TNIK: variants seen among roughly 807,000 people sequenced by gnomAD.
TNIK encodes TRAF2 and NCK-interacting protein kinase.
TNIK carries 49 observed loss-of-function variants against 191.3 expected under a neutral mutation model. The observed-to-expected ratio is 0.26, with a 90% CI of 0.20 to 0.32. The LOEUF is 0.32. Among genes scored for constraint, TNIK ranks in the 10% least tolerant of loss-of-function variants. TNIK has a pLI of 1.00. For missense variants in TNIK, 1,155 were observed against 1,702.3 expected (o/e 0.68, Z 5.66); for synonymous variants, 594 against 600.9 (o/e 0.99, Z 0.17).
chr3:171,194,788 C>T (rs894469789), intron 4 of TNIK, among the ~76,000 whole-genome samples, 153 bp from the exon 5 acceptor site: 1 of 152,112 alleles, frequency 6.6e-6, no homozygotes, highest in African/African-American at 2.4e-5. Context: ...CAAGCTTTTA[C>T]CTTCATGTAC....
At chr3:171,397,318 C>G (rs1720381831) in intron 1 of TNIK, among the ~76,000 whole-genome samples, 1 of 152,172 alleles carries the variant, frequency 6.6e-6, no homozygotes, top group African/African-American at 2.4e-5. Flanking sequence ...GGTGACGGAC[C>G]AAGGAGTACA....
At chr3:171,172,306 A>C (rs1157614917) in intron 9 of TNIK, among the ~76,000 whole-genome samples, 1 of 152,210 alleles carries the variant, frequency 6.6e-6, no homozygotes, top group Non-Finnish European at 1.5e-5. Flanking sequence ...ACTGAGAACA[A>C]GGCATTTAAC....
chr3:171,138,269 C>G lies in TNIK; in HGVS notation c.1530G>C (p.Gln510His). 1 of 1,613,704 alleles carries G rather than the reference C, an allele frequency of 6.2e-7. No individual in the cohort carries two copies. Among genetic ancestry groups the G allele is most frequent in the Non-Finnish European group, 8.5e-7 (1 of 1,179,830 alleles). ...LVSLQHQRQE[Q>H]RPVEKKPLYH... The stretch of plus-strand genomic sequence containing the variant: ...ACAGTGGCTTCTTCTCCACAGGCCT[C>G]TGCTCCTGCCGCTGATGCTGAAGGG... The change falls in exon 15 of 33, where the codon CAG (glutamine) becomes CAC (histidine). Residue 510 changes from glutamine to histidine, a missense_variant. Transcript: ENST00000436636.
intron 1 of TNIK, among the ~76,000 whole-genome samples, chr3:171,380,808 G>A (rs1430869322): frequency 6.6e-6 from 1 of 152,342 alleles, no homozygotes; most frequent in East Asian, 1.9e-4. Flanking sequence ...CTATGAGTAG[G>A]GAAATATTGG....
Position 171,085,105 on chromosome 3 carries a change from C to T in TNIK, c.2998+13G>A, listed in dbSNP as rs376117897. The T allele has an allele frequency of 2.5e-6, 4 of 1,591,512 alleles. No homozygotes were observed. The highest frequency in any genetic ancestry group is 2.3e-5 in the East Asian group (1 of 44,322). On this transcript the variant is annotated intron_variant, in intron 25 of 32. Transcript: ENST00000436636. ...CGAAGCTGTTTTTTAAACACAGGGCCCTTCTTGCTTACCTGCGGCTGATGA... is the reference window on the plus strand; with the variant it reads ...CGAAGCTGTTTTTTAAACACAGGGCTCTTCTTGCTTACCTGCGGCTGATGA...
chr3:171,262,162 C>A (rs1747717815), intron 2 of TNIK, among the ~76,000 whole-genome samples: 1 of 152,094 alleles, frequency 6.6e-6, no homozygotes, highest in South Asian at 2.1e-4. Context: ...TGACCTAGAC[C>A]TAGAGGCTTA....
Position 171,243,764 on chromosome 3 carries a change from A to C in TNIK, c.124-15543T>G, listed in dbSNP as rs1022840740. ...ATTTTTATTTTTCCCTGTTGGTTCCATTTTCAGAGGCTTTCTCCAAATCAA... is the reference window on the plus strand; with the variant it reads ...ATTTTTATTTTTCCCTGTTGGTTCCCTTTTCAGAGGCTTTCTCCAAATCAA... On this transcript the variant is annotated intron_variant, in intron 2 of 32. Transcript: ENST00000436636. 1.2e-4 allele frequency among the ~76,000 whole-genome samples: 19 copies of C among 152,174 alleles called. No homozygotes were observed. In the East Asian group the frequency reaches 3.7e-3, roughly 29 times the overall value.
In TNIK at chr3:171,421,724, A is replaced by ATTTTTT. The variant is rs67895255; in HGVS notation, c.57+38277_57+38282dup. Among the ~76,000 whole-genome samples, 229 of 91,328 alleles carry ATTTTTT rather than the reference A, an allele frequency of 2.5e-3. 9 individuals carry two copies. The highest frequency in any genetic ancestry group is 6.9e-3 in the African/African-American group (138 of 20,100). The allele number at this position is 91,328 out of a possible 152,430, so 59.9% of individuals were successfully genotyped here. On this transcript the variant is annotated intron_variant, in intron 1 of 32. Transcript: ENST00000436636. ...AGCTCTGCTCCTGATTAGTTGTGTA[A>ATTTTTT]TTTTTTTTTTTTTTTTTTTTTTTTT...
intron 28 of TNIK, among the ~76,000 whole-genome samples, chr3:171,078,217 A>C (rs1226401608): frequency 1.3e-5 from 2 of 152,242 alleles, no homozygotes; most frequent in East Asian, 3.9e-4. Flanking sequence ...TGGGATTTCA[A>C]GGCTTTTAAT....
intron 24 of TNIK, among the ~76,000 whole-genome samples, chr3:171,085,714 T>A (rs61791151): frequency 6.6e-6 from 1 of 152,118 alleles, no homozygotes; most frequent in African/African-American, 2.4e-5. Context: ...TCTGGCCTGG[T>A]GATGCAAGTG....
chr3:171,335,793 A>G (rs1360918918), intron 2 of TNIK, among the ~76,000 whole-genome samples: 1 of 152,182 alleles, frequency 6.6e-6, no homozygotes, highest in Non-Finnish European at 1.5e-5. Flanking sequence ...CTGCAAGTAG[A>G]TTTGCCAGGT....
chr3:171,428,095 G>A lies in TNIK; in HGVS notation c.57+31912C>T, dbSNP rs888950004. Among the ~76,000 whole-genome samples the A allele has an allele frequency of 2.0e-5, 3 of 152,218 alleles. No homozygotes were observed. In the East Asian group the frequency reaches 5.8e-4, roughly 29 times the overall value. On this transcript the variant is annotated intron_variant, in intron 1 of 32. Coordinates refer to ENST00000436636, the MANE Select transcript of TNIK (RefSeq NM_015028.4). ...GAATAATAAAAGAGAGGGGGACCCTGGTGGATTTTGTGCAGTGGCATTATC... is the reference window on the plus strand; with the variant it reads ...GAATAATAAAAGAGAGGGGGACCCTAGTGGATTTTGTGCAGTGGCATTATC...
chr3:171,347,648 T>G (rs1032743728), intron 2 of TNIK, among the ~76,000 whole-genome samples: 3 of 152,026 alleles, frequency 2.0e-5, no homozygotes, highest in Admixed American at 1.3e-4. Context: ...CAGCAGCAAT[T>G]TGGGGGAACT....
chr3:171,403,881 C>T (rs1577803056), intron 1 of TNIK, among the ~76,000 whole-genome samples: 2 of 152,284 alleles, frequency 1.3e-5, no homozygotes, highest in South Asian at 4.1e-4. Flanking sequence ...CTAACAGTGT[C>T]CAGAGGCTTT....
At chr3:171,064,094 GT>G in intron 32 of TNIK, 130 bp from the exon 33 acceptor site, 1 of 767,660 alleles carries the variant, frequency 1.3e-6, no homozygotes, top group Non-Finnish European at 2.1e-6. Flanking sequence ...AATGGCTTGT[GT>G]TTATAAAGTC....
At position 171,403,446 on chromosome 3, in the gene TNIK, C is replaced by G. The variant is rs548834086; in HGVS notation, c.58-33761G>C. Among the ~76,000 whole-genome samples the G allele has an allele frequency of 3.3e-5, 5 of 152,056 alleles. No individual in the cohort carries two copies. The East Asian group carries it at 9.7e-4, about 29-fold the overall frequency. ...CCTGGCTAACATGGTGAAACCCCGTCTCTACTAAATATACAAAATTAGTTG... is the reference window on the plus strand; with the variant it reads ...CCTGGCTAACATGGTGAAACCCCGTGTCTACTAAATATACAAAATTAGTTG... On this transcript the variant is annotated intron_variant, in intron 1 of 32. Coordinates refer to ENST00000436636, the MANE Select transcript of TNIK (RefSeq NM_015028.4).
At chr3:171,445,415 T>C (rs955781717) in intron 1 of TNIK, among the ~76,000 whole-genome samples, 4 of 142,570 alleles carry the variant, frequency 2.8e-5, no homozygotes, top group Non-Finnish European at 6.0e-5. Context: ...TGAGACCCTG[T>C]CTCCAAAAAA....
At chr3:171,269,414 A>G (rs1031294284) in intron 2 of TNIK, among the ~76,000 whole-genome samples, 4 of 152,266 alleles carry the variant, frequency 2.6e-5, no homozygotes, top group Non-Finnish European at 5.9e-5. Context: ...GTAAATACAA[A>G]GCAGCAGCAT....
chr3:171,365,254 C>A (rs779408571), intron 2 of TNIK, among the ~76,000 whole-genome samples: 4 of 134,410 alleles, frequency 3.0e-5, no homozygotes, highest in Non-Finnish European at 4.6e-5. Context: ...GCGATCTCAG[C>A]TCACCAGAAC....
Sources: allele counts gnomAD v4.1 joint callset (sites outside exome capture counted in the v4.1 genomes callset), GRCh38; gene constraint gnomAD v4.1.1; transcripts MANE v1.5; gene names NCBI Gene and HGNC (gene_info 2026-07-23, HGNC 2026-07-21).